The following NXPE2 variants were observed in gnomAD, a reference collection of about 807,000 sequenced individuals.
NXPE2 encodes NXPE family member 2.
In NXPE2, 34 loss-of-function variants were observed where a neutral mutation model predicts 34.4. The observed-to-expected ratio is 0.99, with a 90% CI of 0.75 to 1.31. NXPE2 has a LOEUF of 1.31. NXPE2 is among the 40% of genes most tolerant of loss of function. NXPE2 has a pLI of 0.00. For synonymous variants in NXPE2, 235 were observed against 231.3 expected (o/e 1.02, Z -0.15); for missense variants, 649 against 672.5 (o/e 0.97, Z 0.39).
At chr11:114,749,763 C>T in the NXPE2 span, among the ~76,000 whole-genome samples, 50 of 152,274 alleles carry the variant, frequency 3.3e-4, no homozygotes, top group African/African-American at 1.1e-3. Flanking sequence ...TCACACTGGC[C>T]GTCACCTCTG....
At chr11:114,752,115 T>A in the NXPE2 span, among the ~76,000 whole-genome samples, 13 of 152,262 alleles carry the variant, frequency 8.5e-5, no homozygotes, top group African/African-American at 3.1e-4. Flanking sequence ...CAATAACATT[T>A]GAAGGAAGCA....
the NXPE2 span, among the ~76,000 whole-genome samples, chr11:114,503,618 A>T: frequency 1.3e-5 from 2 of 152,316 alleles, no homozygotes; most frequent in African/African-American, 4.8e-5. Flanking sequence ...AAAAATATAA[A>T]GAGGTATAAA....
At chr11:114,630,451 G>T in the NXPE2 span, among the ~76,000 whole-genome samples, 13 of 151,652 alleles carry the variant, frequency 8.6e-5, no homozygotes, top group African/African-American at 2.9e-4. Flanking sequence ...AAATGGTGCT[G>T]GGAAAACTGG....
chr11:114,504,946 C>A, the NXPE2 span, among the ~76,000 whole-genome samples: 2 of 152,066 alleles, frequency 1.3e-5, no homozygotes, highest in Non-Finnish European at 2.9e-5. Flanking sequence ...CAATGAACTA[C>A]AGGAGTATGT....
chr11:114,711,407 G>A (rs1026957682), downstream of NXPE2, among the ~76,000 whole-genome samples: 1 of 152,034 alleles, frequency 6.6e-6, no homozygotes, highest in African/African-American at 2.4e-5. Flanking sequence ...ATTAGAACTA[G>A]GAAATGGATT....
chr11:114,580,285 G>T, the NXPE2 span: 2 of 1,613,832 alleles, frequency 1.2e-6, no homozygotes, highest in Admixed American at 1.7e-5. Flanking sequence ...TGCCCACTGG[G>T]GATTGTGGAT....
the NXPE2 span, among the ~76,000 whole-genome samples, chr11:114,731,142 A>G: frequency 1.3e-5 from 2 of 152,188 alleles, no homozygotes; most frequent in Non-Finnish European, 2.9e-5. Context: ...TTCTGCATCT[A>G]TTGAGATGAA....
At chr11:114,557,094 A>T in the NXPE2 span, among the ~76,000 whole-genome samples, 1 of 151,966 alleles carries the variant, frequency 6.6e-6, no homozygotes, top group Non-Finnish European at 1.5e-5. Context: ...GGGTTTCACC[A>T]TGTTGGCCAG....
chr11:114,678,680 C>A, intron 1 of NXPE2, 79 bp downstream of exon 1: 2 of 1,157,872 alleles, frequency 1.7e-6, no homozygotes, highest in South Asian at 2.7e-5. Context: ...TGGTGTTTTT[C>A]AAATGGTGTG....
the NXPE2 span, among the ~76,000 whole-genome samples, chr11:114,533,224 A>G: frequency 6.6e-6 from 1 of 152,222 alleles, no homozygotes; most frequent in East Asian, 1.9e-4. Context: ...AATTATTAGT[A>G]TTAAGATAGC....
chr11:114,681,374 A>G (rs967250712), intron 2 of NXPE2, among the ~76,000 whole-genome samples: 6 of 152,198 alleles, frequency 3.9e-5, no homozygotes, highest in African/African-American at 1.4e-4. Context: ...AAATGTGAAT[A>G]TGGTACTCTA....
the NXPE2 span, among the ~76,000 whole-genome samples, chr11:114,803,570 G>GTCTCTCTC: frequency 6.9e-6 from 1 of 144,964 alleles, no homozygotes; most frequent in African/African-American, 2.6e-5. Context: ...ACTCCCTCAG[G>GTCTCTCTC]TCTCTCTCTC....
chr11:114,596,876 AGATATGCTT>A, the NXPE2 span, among the ~76,000 whole-genome samples: 1 of 152,190 alleles, frequency 6.6e-6, no homozygotes, highest in African/African-American at 2.4e-5. Flanking sequence ...TAGGCACAAT[AGATATGCTT>A]GACTTAAAGA....
At chr11:114,654,554 T>C in the NXPE2 span, among the ~76,000 whole-genome samples, 2 of 152,240 alleles carry the variant, frequency 1.3e-5, no homozygotes, top group South Asian at 2.1e-4. Flanking sequence ...CTCCCACTTA[T>C]GAGTGAGAAC....
At chr11:114,754,907 T>A in the NXPE2 span, among the ~76,000 whole-genome samples, 1 of 152,174 alleles carries the variant, frequency 6.6e-6, no homozygotes, top group African/African-American at 2.4e-5. Flanking sequence ...TGTGTCTATT[T>A]GTCAATGATG....
chr11:114,628,210 A>G, the NXPE2 span, among the ~76,000 whole-genome samples: 473 of 144,458 alleles, frequency 3.3e-3, 2 homozygotes, highest in African/African-American at 0.012. Context: ...AAATCAACAG[A>G]ATATACATTT....
At chr11:114,623,987 G>A in the NXPE2 span, among the ~76,000 whole-genome samples, 3 of 152,142 alleles carry the variant, frequency 2.0e-5, no homozygotes, top group African/African-American at 4.8e-5. Context: ...TGCCTCGTGG[G>A]TAACCACTGT....
At chr11:114,502,091 C>T in the NXPE2 span, among the ~76,000 whole-genome samples, 1 of 152,176 alleles carries the variant, frequency 6.6e-6, no homozygotes, top group Admixed American at 6.5e-5. Context: ...TCTCTACCCA[C>T]TAAATGCCAG....
At chr11:114,507,647 C>T in the NXPE2 span, among the ~76,000 whole-genome samples, 1 of 152,096 alleles carries the variant, frequency 6.6e-6, no homozygotes, top group Non-Finnish European at 1.5e-5. Flanking sequence ...ACAAAAACCA[C>T]ATGATTATCT....
Sources: allele counts gnomAD v4.1 joint callset (sites outside exome capture counted in the v4.1 genomes callset), GRCh38; gene constraint gnomAD v4.1.1; transcripts MANE v1.5; gene names NCBI Gene and HGNC (gene_info 2026-07-23, HGNC 2026-07-21).